The following TNIP3 variants were observed in gnomAD, a reference collection of about 807,000 sequenced individuals.
TNIP3 encodes TNFAIP3 interacting protein 3.
A neutral mutation model predicts 54.1 loss-of-function variants in TNIP3; 34 were observed. The ratio of observed to expected loss-of-function variants is 0.63; its 90% CI spans 0.48 to 0.84. TNIP3 has a LOEUF of 0.84. Among genes scored for constraint, TNIP3 ranks in the 40% least tolerant of loss-of-function variants. The pLI is 0.00. For synonymous variants in TNIP3, 134 were observed against 136.8 expected (o/e 0.98, Z 0.14); for missense variants, 366 against 387.6 (o/e 0.94, Z 0.47).
chr4:121,154,840 T>C (rs1345548179), intron 4 of TNIP3, among the ~76,000 whole-genome samples, 161 bp from the exon 5 acceptor site: 2 of 152,136 alleles, frequency 1.3e-5, no homozygotes, highest in Non-Finnish European at 2.9e-5. Flanking sequence ...TAATGTTCCA[T>C]TTGAGCAATA....
intron 3 of TNIP3, among the ~76,000 whole-genome samples, chr4:121,176,514 T>G (rs866018993): frequency 1.1e-3 from 163 of 147,290 alleles, no homozygotes; most frequent in African/African-American, 3.9e-3. Context: ...CTACTAGCAT[T>G]ATGATGATGA....
intron 10 of TNIP3, chr4:121,136,835 G>GT (rs2148793209): frequency 6.8e-6 from 1 of 147,168 alleles, no homozygotes; most frequent in African/African-American, 2.5e-5. Flanking sequence ...TCCAGCCTGG[G>GT]TGACAGAGTA....
intron 2 of TNIP3, chr4:121,192,733 A>C (rs1725365496): frequency 6.6e-6 from 1 of 152,190 alleles, no homozygotes; most frequent in Non-Finnish European, 1.5e-5. Flanking sequence ...GAGAATTTGT[A>C]GTGTACATGT....
At chr4:121,227,301 C>T in intron 1 of TNIP3, 1 of 1,220,400 alleles carries the variant, frequency 8.2e-7, no homozygotes, top group Non-Finnish European at 1.2e-6. Context: ...GAACTTTATG[C>T]ATTTTAAAAA....
chr4:121,154,071 G>T (rs907013619), intron 5 of TNIP3, among the ~76,000 whole-genome samples: 3 of 152,090 alleles, frequency 2.0e-5, no homozygotes, highest in African/African-American at 7.2e-5. Context: ...TTTAAAGTAG[G>T]TTTAAAGTAG....
At position 121,212,152 on chromosome 4, in the gene TNIP3, C is replaced by A. The variant is rs146755173; in HGVS notation, c.68+4263G>T. 3.0e-3 allele frequency among the ~76,000 whole-genome samples: 463 copies of A among 152,314 alleles called. 2 individuals carry two copies. The highest frequency in any genetic ancestry group is 0.01 in the African/African-American group (426 of 41,572). ...TTATGCAAGCATAAAGTATTCAAGG[C>A]AGACAGAACAAAAGGTGTACTCTAA... On this transcript the variant is annotated intron_variant, in intron 2 of 12. Transcript: ENST00000507879.
chr4:121,208,943 T>TTCCCCAATCTCCAGGAAGGGGAGGGAGC (rs1011337852), intron 2 of TNIP3, among the ~76,000 whole-genome samples: 1 of 152,128 alleles, frequency 6.6e-6, no homozygotes. Flanking sequence ...TTCAGCTCCA[T>TTCCCCAATCTCCAGGAAGGGGAGGGAGC]TCCCCAATCT....
In TNIP3 at chr4:121,138,660, C is replaced by T. The variant is rs1480568552; in HGVS notation, c.910G>A (p.Asp304Asn). The change falls in exon 10 of 11, where the codon GAC becomes AAC. Residue 304 changes from aspartate to asparagine, a missense_variant. By Grantham distance (23) the Asp-to-Asn change is conservative (BLOSUM62 1). Transcript: ENST00000057513. ...TGTTGTACATCTGGCGGAAGCTGGT[C>T]AAGAGCATACCACTGATAGTCTGGC... Reference protein sequence around the residue: ...HPPDYQWYALDQLPPDVQHKA... With the variant: ...HPPDYQWYALNQLPPDVQHKA... 1 of 1,613,856 alleles carries T rather than the reference C, an allele frequency of 6.2e-7. No individual in the cohort carries two copies. Among genetic ancestry groups the T allele is most frequent in the Non-Finnish European group, 8.5e-7 (1 of 1,179,902 alleles).
At chr4:121,189,824 C>A (rs1156266625) in intron 2 of TNIP3, among the ~76,000 whole-genome samples, 3 of 152,154 alleles carry the variant, frequency 2.0e-5, no homozygotes, top group Non-Finnish European at 2.9e-5. Context: ...TAAACCTGGG[C>A]TCTGTTGTTG....
chr4:121,150,309 C>T (rs2148805488), intron 5 of TNIP3, 90 bp from the exon 6 acceptor site: 1 of 697,794 alleles, frequency 1.4e-6, no homozygotes, highest in Non-Finnish European at 2.4e-6. Flanking sequence ...CAAATGCACC[C>T]ACAAATATGC....
chr4:121,180,302 A>G lies in TNIP3; in HGVS notation c.189+2374T>C, dbSNP rs572390051. Among the ~76,000 whole-genome samples the G allele has an allele frequency of 5.3e-5, 8 of 152,234 alleles. No homozygotes were observed. The East Asian group carries it at 1.6e-3, about 30-fold the overall frequency. Reference sequence around the variant, plus strand: ...GTAGTCCCAGCTACTCGGGAGGCTGAGGCAGGAGAATGGCATGAACTCAGG... The same window carrying G: ...GTAGTCCCAGCTACTCGGGAGGCTGGGGCAGGAGAATGGCATGAACTCAGG... On this transcript the variant is annotated intron_variant, in intron 3 of 12. Coordinates refer to the TNIP3 transcript ENST00000507879.
At chr4:121,201,821 G>A (rs1725906692) in intron 2 of TNIP3, among the ~76,000 whole-genome samples, 1 of 152,144 alleles carries the variant, frequency 6.6e-6, no homozygotes, top group Non-Finnish European at 1.5e-5. Flanking sequence ...TGTAAATTAA[G>A]GAAACTGCCT....
intron 2 of TNIP3, among the ~76,000 whole-genome samples, chr4:121,197,984 G>A (rs1013390418): frequency 6.6e-6 from 1 of 152,124 alleles, no homozygotes; most frequent in African/African-American, 2.4e-5. Context: ...GATATTACAG[G>A]CAAAGGCAAT....
chr4:121,171,790 A>G (rs1723974760), intron 3 of TNIP3, among the ~76,000 whole-genome samples: 3 of 152,116 alleles, frequency 2.0e-5, no homozygotes, highest in Admixed American at 2.0e-4. Context: ...GAGTGCAGTG[A>G]TGCGATCTTG....
chr4:121,166,061 G>C (rs1222376646), upstream of TNIP3, among the ~76,000 whole-genome samples: 2 of 152,136 alleles, frequency 1.3e-5, no homozygotes, highest in Admixed American at 6.5e-5. Flanking sequence ...TAGAAAAGTG[G>C]GTGGGAAGAA....
chr4:121,141,346 C>T (rs1469418683), intron 9 of TNIP3, among the ~76,000 whole-genome samples: 1 of 152,162 alleles, frequency 6.6e-6, no homozygotes. Context: ...AAGTGGGTCA[C>T]TTTTTCTTGG....
At chr4:121,159,269 G>T (rs1480038419) in intron 2 of TNIP3, among the ~76,000 whole-genome samples, 1 of 152,068 alleles carries the variant, frequency 6.6e-6, no homozygotes, top group Non-Finnish European at 1.5e-5. Flanking sequence ...AAAAAGAAAA[G>T]AAAAGAAAAG....
intron 2 of TNIP3, among the ~76,000 whole-genome samples, chr4:121,211,031 G>A (rs1275334586): frequency 6.6e-6 from 1 of 152,104 alleles, no homozygotes; most frequent in Non-Finnish European, 1.5e-5. Context: ...TGAAAACCCT[G>A]ATCTGGTAAT....
At chr4:121,195,462 T>C (rs1329702977) in intron 2 of TNIP3, among the ~76,000 whole-genome samples, 2 of 152,248 alleles carry the variant, frequency 1.3e-5, no homozygotes, top group Non-Finnish European at 2.9e-5. Flanking sequence ...TATTTATTTC[T>C]GATTATAGAG....
Sources: allele counts gnomAD v4.1 joint callset (sites outside exome capture counted in the v4.1 genomes callset), GRCh38; gene constraint gnomAD v4.1.1; transcripts MANE v1.5; gene names NCBI Gene and HGNC (gene_info 2026-07-23, HGNC 2026-07-21).